The following AJAP1 variants were observed in gnomAD, a reference collection of about 807,000 sequenced individuals.
The protein encoded by AJAP1 is adherens junctions associated protein 1.
In AJAP1, 5 loss-of-function variants were observed where a neutral mutation model predicts 35.0. The ratio of observed to expected loss-of-function variants is 0.14; its 90% CI spans 0.07 to 0.30. The LOEUF (loss-of-function observed/expected upper bound fraction) is 0.30. Among genes scored for constraint, AJAP1 ranks in the 10% least tolerant of loss-of-function variants. The pLI, the probability that AJAP1 is intolerant of heterozygous loss-of-function variation, is 1.00. For missense variants in AJAP1, 586 were observed against 571.0 expected, an observed-to-expected ratio of 1.03 and a Z score of -0.27; for synonymous variants, 284 against 249.3, an observed-to-expected ratio of 1.14 and a Z score of -1.31.
chr1:4,733,568 T>C (rs1640850612), intron 2 of AJAP1, among the ~76,000 whole-genome samples: 1 of 151,056 alleles, frequency 6.6e-6, no homozygotes. Context: ...GCAAGTCCAA[T>C]TGCACAGCCG....
chr1:4,685,723 T>TG (rs916150769), intron 1 of AJAP1, among the ~76,000 whole-genome samples: 3 of 152,172 alleles, frequency 2.0e-5, no homozygotes, highest in Admixed American at 6.5e-5. Flanking sequence ...GGTGCACCGT[T>TG]GGGGGGTCCA....
chr1:4,729,161 C>T (rs191033371), intron 2 of AJAP1, among the ~76,000 whole-genome samples: 6 of 152,356 alleles, frequency 3.9e-5, no homozygotes, highest in African/African-American at 1.2e-4. Flanking sequence ...CTTCCCACAG[C>T]CTACACAGCA....
At chr1:4,733,991 C>T (rs1306434650) in intron 2 of AJAP1, among the ~76,000 whole-genome samples, 1 of 152,186 alleles carries the variant, frequency 6.6e-6, no homozygotes, top group East Asian at 1.9e-4. Context: ...GAGGTGTGTG[C>T]GTCGCGAGCA....
intron 1 of AJAP1, among the ~76,000 whole-genome samples, chr1:4,691,126 G>A (rs948660407): frequency 1.3e-5 from 2 of 152,202 alleles, no homozygotes; most frequent in African/African-American, 2.4e-5. Context: ...AGCTCACTGT[G>A]CTTATGGTCG....
intron 5 of AJAP1, among the ~76,000 whole-genome samples, chr1:4,775,615 C>T (rs1359151291): frequency 6.6e-6 from 1 of 152,182 alleles, no homozygotes; most frequent in African/African-American, 2.4e-5. Context: ...GGGAGTGAAT[C>T]GGTCAGTTCC....
chr1:4,727,215 G>A (rs1471066151), intron 2 of AJAP1, among the ~76,000 whole-genome samples: 5 of 152,166 alleles, frequency 3.3e-5, no homozygotes, highest in East Asian at 1.9e-4. Context: ...GCAGCCCAGC[G>A]GGCAGCAGGA....
At chr1:4,760,761 C>T (rs1027515327) in intron 2 of AJAP1, among the ~76,000 whole-genome samples, 5 of 152,210 alleles carry the variant, frequency 3.3e-5, no homozygotes, top group South Asian at 2.1e-4. Flanking sequence ...CCACAAGGGG[C>T]GAATATGCAG....
chr1:4,787,895 T>A lies in AJAP1; in HGVS notation c.*5410T>A, dbSNP rs1158857561. 1 of 365,594 alleles carries A rather than the reference T, an allele frequency of 2.7e-6. No homozygotes were observed. The highest frequency in any genetic ancestry group is 5.6e-6 in the Non-Finnish European group (1 of 180,142). The allele number at this position is 365,594 out of a possible 1,614,324, so 22.6% of individuals were successfully genotyped here. A position where few individuals can be genotyped will look rare whatever the true frequency, so the allele number is the denominator to read the frequency against. ...TTAGTGGCATCCTTCTTAAACAGCA[T>A]CTGCTTTTAAGTAAGCAGCTATTCC... On this transcript the variant is annotated 3_prime_UTR_variant, in exon 6 of 6. Transcript: ENST00000378191.
intron 1 of AJAP1, among the ~76,000 whole-genome samples, chr1:4,707,897 G>A (rs77560384): frequency 0.021 from 3,092 of 150,248 alleles, 85 homozygotes; most frequent in South Asian, 0.12. Flanking sequence ...TCGTGTCCTC[G>A]CCAGCACTTC....
chr1:4,752,725 A>G (rs1360126812), intron 2 of AJAP1, among the ~76,000 whole-genome samples: 3 of 152,174 alleles, frequency 2.0e-5, no homozygotes, highest in Non-Finnish European at 4.4e-5. Flanking sequence ...TGGGCTCCCA[A>G]GCCCACCCCC....
chr1:4,761,399 A>G (rs1002560061), intron 2 of AJAP1, among the ~76,000 whole-genome samples: 7 of 152,194 alleles, frequency 4.6e-5, no homozygotes, highest in Non-Finnish European at 4.4e-5. Flanking sequence ...CCAAATACAA[A>G]GAAACCCATG....
chr1:4,778,696 AAG>A (rs1641988978), intron 5 of AJAP1, among the ~76,000 whole-genome samples: 1 of 151,226 alleles, frequency 6.6e-6, no homozygotes, highest in South Asian at 2.1e-4. Flanking sequence ...GTAGTCTTGG[AAG>A]AGACTCCCTT....
Position 4,772,305 on chromosome 1 carries a change from C to T in AJAP1, c.943C>T (p.Arg315Trp), listed in dbSNP as rs776328155. 3.1e-6 allele frequency: 5 copies of T among 1,614,128 alleles called. No homozygotes were observed. The highest frequency in any genetic ancestry group is 4.2e-6 in the Non-Finnish European group (5 of 1,180,008). ...NCCAQSGNTR[R>W]NSHQRKTNQQ... Reference sequence around the variant, plus strand: ...CTGTGCCCAAAGCGGGAACACTCGTCGGAACAGCCACCAGCGGAAGACCAA... The same window carrying T: ...CTGTGCCCAAAGCGGGAACACTCGTTGGAACAGCCACCAGCGGAAGACCAA... The change falls in exon 4 of 6, where the codon CGG becomes TGG. Residue 315 changes from arginine to tryptophan, a missense_variant. Physicochemically the swap from Arg to Trp is moderately radical, Grantham distance 101. Coordinates refer to ENST00000378191, the MANE Select transcript of AJAP1 (RefSeq NM_018836.4).
intron 4 of AJAP1, among the ~76,000 whole-genome samples, chr1:4,773,320 C>A (rs929469179): frequency 6.6e-6 from 1 of 152,148 alleles, no homozygotes. Flanking sequence ...TGACTGGACT[C>A]GAGTTGTTTT....
chr1:4,706,187 G>T (rs1358587558), intron 1 of AJAP1, among the ~76,000 whole-genome samples: 1 of 152,182 alleles, frequency 6.6e-6, no homozygotes, highest in African/African-American at 2.4e-5. Flanking sequence ...CCACAAAAGA[G>T]CATGGACTCA....
chr1:4,718,613 G>A (rs1640448352), intron 2 of AJAP1, among the ~76,000 whole-genome samples: 1 of 151,816 alleles, frequency 6.6e-6, no homozygotes, highest in Non-Finnish European at 1.5e-5. Context: ...CTCCTAAGTA[G>A]CTGGGACTAT....
intron 1 of AJAP1, among the ~76,000 whole-genome samples, chr1:4,683,510 C>T (rs966790889): frequency 6.6e-6 from 1 of 152,206 alleles, no homozygotes; most frequent in Non-Finnish European, 1.5e-5. Context: ...TCAGTGGGTC[C>T]ACTGGGACGT....
intron 2 of AJAP1, among the ~76,000 whole-genome samples, chr1:4,742,360 C>T (rs1557635402): frequency 6.6e-6 from 1 of 152,208 alleles, no homozygotes; most frequent in South Asian, 2.1e-4. Context: ...GAGGAAATGT[C>T]AGGCAAATCA....
At chr1:4,691,656 G>C (rs1639742133) in intron 1 of AJAP1, among the ~76,000 whole-genome samples, 1 of 152,178 alleles carries the variant, frequency 6.6e-6, no homozygotes, top group South Asian at 2.1e-4. Flanking sequence ...GATGGCAAAA[G>C]CGACCCACCC....
Sources: gnomAD v4.1 joint callset for allele counts (sites outside exome capture counted in the v4.1 genomes callset) on GRCh38, gnomAD v4.1.1 for gene constraint, MANE v1.5 for transcripts, NCBI Gene and HGNC (gene_info 2026-07-23, HGNC 2026-07-21) for gene names.